Variants in SATL1 observed in about 807,000 individuals in gnomAD.
SATL1 encodes the protein spermidine/spermine N(1)-acetyltransferase-like protein 1.
SATL1 carries 47 observed loss-of-function variants against 51.8 expected under a neutral mutation model. The observed-to-expected ratio is 0.91, with a 90% CI of 0.72 to 1.16. SATL1 has a LOEUF of 1.16. Ranked by LOEUF, SATL1 falls within the 50% of genes most tolerant of loss-of-function variation. The pLI is 0.00. For synonymous variants in SATL1, 176 were observed against 182.4 expected (o/e 0.97, Z 0.28); for missense variants, 520 against 526.4 (o/e 0.99, Z 0.12).
rs760648860 is a variant in SATL1 at position 85,107,549 on chromosome X, G to T, written c.1420C>A (p.Pro474Thr). ...CATATGCCTGGTTGGCCCCTGCCTG[G>T]ATGGCTCATGCCTGTTTGGTTCTTA... ...SSKNQTGMSH[P>T]GRGQPGIWEP... The change falls in exon 3 of 8, where the codon CCA (proline) becomes ACA (threonine). Residue 474 changes from proline (P) to threonine (T), a missense_variant. By Grantham distance (38) the Pro-to-Thr change is conservative. Around this residue, in one of 3 missense-constraint regions of SATL1, gnomAD observed 488 missense variants for 474.3 expected, o/e 1.03. Coordinates refer to ENST00000644105, the MANE Select transcript of SATL1 (RefSeq NM_001367857.2). The T allele has an allele frequency of 1.7e-6, 2 of 1,211,727 alleles. No individual in the cohort carries two copies. The highest frequency in any genetic ancestry group is 2.2e-6 in the Non-Finnish European group (2 of 895,412).
At chrX:85,231,143 T>C (rs983433436) in intron 1 of SATL1, among the ~76,000 whole-genome samples, 2 of 111,619 alleles carry the variant, frequency 1.8e-5, no homozygotes, top group African/African-American at 6.5e-5. Context: ...AGCCAAGAGA[T>C]GGAAACAAGC....
intron 2 of SATL1, chrX:85,143,633 G>T (rs952380428): frequency 9.0e-6 from 1 of 111,447 alleles, no homozygotes; most frequent in Admixed American, 9.6e-5. Flanking sequence ...ACAAGCAAAG[G>T]TTCTGTTGTT....
At position 85,098,291 on chromosome X, in the gene SATL1, A is replaced by T. The variant is rs142144633; in HGVS notation, c.1694-3295T>A. ...CACCAAGAACATAGCATTTATAAATATACATGCATTGAACATCACAGCTCC... is the reference window on the plus strand; with the variant it reads ...CACCAAGAACATAGCATTTATAAATTTACATGCATTGAACATCACAGCTCC... On this transcript the variant is annotated intron_variant, in intron 4 of 7. Transcript: ENST00000644105. 1.5e-4 allele frequency among the ~76,000 whole-genome samples: 17 copies of T among 112,106 alleles called. No homozygotes were observed. In the East Asian group the frequency reaches 2.5e-3, roughly 17 times the overall value.
Position 85,230,425 on chromosome X carries a change from A to G in SATL1, c.-434-6099T>C, listed in dbSNP as rs765283173. ...TTTATGTCATACACAAAAATCAACT[A>G]TAAATGAATTAAATATTTAAACATA... On this transcript the variant is annotated intron_variant, in intron 1 of 7. Transcript: ENST00000644105. Among the ~76,000 whole-genome samples, 6 of 112,313 alleles carry G rather than the reference A, an allele frequency of 5.3e-5. No homozygotes were observed. The East Asian group carries it at 1.7e-3, about 31-fold the overall frequency.
At chrX:85,198,542 C>T (rs1343391842) in intron 2 of SATL1, among the ~76,000 whole-genome samples, 2 of 111,507 alleles carry the variant, frequency 1.8e-5, no homozygotes, top group African/African-American at 6.5e-5. Flanking sequence ...GATGCTATAA[C>T]ATTGTAGTTA....
At chrX:85,151,698 G>C (rs1181329810) in intron 2 of SATL1, among the ~76,000 whole-genome samples, 4 of 111,275 alleles carry the variant, frequency 3.6e-5, no homozygotes, top group African/African-American at 6.5e-5. Flanking sequence ...ACAAACCTGA[G>C]AAAAACAAGC....
At chrX:85,185,389 C>T (rs1012958638) in intron 2 of SATL1, among the ~76,000 whole-genome samples, 1 of 112,610 alleles carries the variant, frequency 8.9e-6, no homozygotes, top group Admixed American at 9.3e-5. Flanking sequence ...GCGAAGCCAG[C>T]CAGCTTGTGT....
At chrX:85,109,669 C>T (rs775612066) in intron 2 of SATL1, among the ~76,000 whole-genome samples, 1 of 111,363 alleles carries the variant, frequency 9.0e-6, no homozygotes, top group Admixed American at 9.6e-5. Flanking sequence ...CTAGTTGTCC[C>T]GATGAAGTGC....
chrX:85,182,818 T>A (rs1203183680), intron 2 of SATL1, among the ~76,000 whole-genome samples: 1 of 111,816 alleles, frequency 8.9e-6, no homozygotes, highest in Non-Finnish European at 1.9e-5. Context: ...GGTTTTGATA[T>A]CAATTTCCCT....
intron 1 of SATL1, among the ~76,000 whole-genome samples, chrX:85,225,245 CA>C (rs1928254564): frequency 9.0e-6 from 1 of 111,427 alleles, no homozygotes; most frequent in Admixed American, 9.5e-5. Context: ...TTTTATAGAA[CA>C]AATACACACA....
intron 2 of SATL1, among the ~76,000 whole-genome samples, chrX:85,172,499 A>C (rs377201543): frequency 3.6e-4 from 40 of 110,960 alleles, no homozygotes; most frequent in African/African-American, 1.1e-3. Flanking sequence ...AAATAGTATG[A>C]ATACTAGACC....
rs143538816 is a variant in SATL1 at position 85,125,039 on chromosome X, T to C, written c.-312-15759A>G. Among the ~76,000 whole-genome samples, 399 of 110,369 alleles carry C rather than the reference T, an allele frequency of 3.6e-3. 3 individuals are homozygous for C. Among genetic ancestry groups the C allele is most frequent in the African/African-American group, 0.013 (387 of 30,364 alleles). On this transcript the variant is annotated intron_variant, in intron 2 of 7. Transcript: ENST00000644105. ...CTGTCCCGGGCAGTTTCTCTCTCAC[T>C]CAAGGAGAGACAGGAATAAGACCCA... is the stretch of plus-strand genomic sequence containing the variant.
intron 2 of SATL1, among the ~76,000 whole-genome samples, chrX:85,151,177 CA>C (rs1426958776): frequency 2.7e-5 from 3 of 109,594 alleles, no homozygotes; most frequent in African/African-American, 1.0e-4. Flanking sequence ...CAATAACAGA[CA>C]AACGGAGAGC....
At chrX:85,234,283 T>C (rs1409544793) in intron 1 of SATL1, among the ~76,000 whole-genome samples, 1 of 112,063 alleles carries the variant, frequency 8.9e-6, no homozygotes, top group East Asian at 2.8e-4. Context: ...AGGTCTGTCC[T>C]ACAAGAAATG....
intron 2 of SATL1, among the ~76,000 whole-genome samples, chrX:85,125,239 A>T (rs771082852): frequency 2.7e-5 from 3 of 111,501 alleles, no homozygotes; most frequent in Non-Finnish European, 5.7e-5. Context: ...TGGTACACAG[A>T]CATTAAATTA....
intron 2 of SATL1, among the ~76,000 whole-genome samples, chrX:85,147,412 A>G (rs1926284569): frequency 8.8e-6 from 1 of 114,060 alleles, no homozygotes; most frequent in African/African-American, 3.2e-5. Flanking sequence ...AAACAAAAAG[A>G]CAGCAGTAAC....
chrX:85,149,389 A>T (rs750305298), intron 2 of SATL1, among the ~76,000 whole-genome samples: 1 of 111,572 alleles, frequency 9.0e-6, no homozygotes, highest in South Asian at 3.8e-4. Context: ...CCCCACTGTC[A>T]ACATTAGACA....
chrX:85,112,211 G>A (rs1925274981), intron 2 of SATL1, among the ~76,000 whole-genome samples: 1 of 110,628 alleles, frequency 9.0e-6, no homozygotes, highest in Admixed American at 9.7e-5. Flanking sequence ...AATTAGCCAG[G>A]CTTGGTGGTG....
intron 5 of SATL1, 124 bp downstream of exon 5, chrX:85,094,790 TAA>T: frequency 2.2e-6 from 1 of 462,270 alleles, no homozygotes; most frequent in South Asian, 4.0e-5. Context: ...GCATTTTCTT[TAA>T]AAAAACTGGG....
Sources: allele counts gnomAD v4.1 joint callset (sites outside exome capture counted in the v4.1 genomes callset), GRCh38; gene constraint gnomAD v4.1.1; regional missense constraint gnomAD v4.1.1; transcripts MANE v1.5; gene names NCBI Gene and HGNC (gene_info 2026-07-23, HGNC 2026-07-21).